UBE3A: variants seen among roughly 807,000 people sequenced by gnomAD.
UBE3A encodes ubiquitin-protein ligase E3A.
UBE3A carries 6 observed loss-of-function variants against 83.4 expected under a neutral mutation model. That is an observed-to-expected ratio of 0.07 (90% confidence interval 0.04 to 0.14). The LOEUF is 0.14. Ranked by LOEUF, UBE3A falls within the 10% of genes least tolerant of loss-of-function variation. The pLI is 1.00. For missense variants in UBE3A, 456 were observed against 1,036.1 expected, an observed-to-expected ratio of 0.44 and a Z score of 7.69; for synonymous variants, 337 against 355.4, an observed-to-expected ratio of 0.95 and a Z score of 0.58.
At chr15:25,408,450 CAG>C in intron 3 of UBE3A, 1 of 918,888 alleles carries the variant, frequency 1.1e-6, no homozygotes, top group South Asian at 1.5e-5. Flanking sequence ...AATAACAAGT[CAG>C]AAATTTTAAA....
intron 12 of UBE3A, chr15:25,339,514 T>C (rs559805291): frequency 3.0e-6 from 1 of 338,254 alleles, no homozygotes; most frequent in African/African-American, 2.1e-5. Context: ...TTTTAGGTAC[T>C]GAATTCTTAC....
chr15:25,344,073 C>T (rs934803319), intron 11 of UBE3A, among the ~76,000 whole-genome samples: 20 of 152,188 alleles, frequency 1.3e-4, no homozygotes, highest in Non-Finnish European at 2.2e-4. Context: ...ATTACACATG[C>T]ATCTACCATT....
At chr15:25,367,569 A>G (rs1566944210) in intron 6 of UBE3A, among the ~76,000 whole-genome samples, 2 of 152,016 alleles carry the variant, frequency 1.3e-5, no homozygotes, top group African/African-American at 2.4e-5. Context: ...CTTATATTCT[A>G]TTGATTCTAA....
rs896039334 is a variant in UBE3A, at chr15:25,337,103, A to G, written c.*2034T>C. On this transcript the variant is annotated 3_prime_UTR_variant, in exon 13 of 13. Transcript: ENST00000648336. ...AGGGTAGGTTCATTCTGACTCTGTT[A>G]AAAGTCTACTTGATGTGAACAACTC... 1.3e-5 allele frequency: 2 copies of G among 152,156 alleles called. No homozygotes were observed. Among genetic ancestry groups the G allele is most frequent in the African/African-American group, 2.4e-5 (1 of 41,436 alleles). 9.4% of individuals were successfully genotyped at this position (152,156 alleles called of 1,614,324 possible).
chr15:25,363,906 T>A (rs2078557227), intron 6 of UBE3A, among the ~76,000 whole-genome samples: 1 of 151,964 alleles, frequency 6.6e-6, no homozygotes, highest in South Asian at 2.1e-4. Flanking sequence ...CACTTAAGAA[T>A]AAAGGCTGGG....
chr15:25,386,410 A>G (rs2083146933), intron 4 of UBE3A, among the ~76,000 whole-genome samples: 1 of 152,210 alleles, frequency 6.6e-6, no homozygotes, highest in African/African-American at 2.4e-5. Context: ...CTTGGAATCT[A>G]AAACAACTAT....
chr15:25,437,302 ACTT>A (rs1193472092), intron 1 of UBE3A, among the ~76,000 whole-genome samples: 1 of 152,218 alleles, frequency 6.6e-6, no homozygotes, highest in Non-Finnish European at 1.5e-5. Flanking sequence ...TTACCAAATC[ACTT>A]CTTAAGTAAG....
intron 5 of UBE3A, chr15:25,373,944 A>G (rs1049995722): frequency 3.3e-5 from 5 of 152,218 alleles, no homozygotes; most frequent in Admixed American, 2.0e-4. Context: ...GTCCCTGAAA[A>G]TACTCAATCT....
At chr15:25,404,871 T>C (rs1224048415) in intron 4 of UBE3A, among the ~76,000 whole-genome samples, 1 of 152,186 alleles carries the variant, frequency 6.6e-6, no homozygotes, top group Non-Finnish European at 1.5e-5. Flanking sequence ...CGCTCATGCT[T>C]CTAGCTGCCT....
chr15:25,350,306 A>AG (rs2076311649), intron 11 of UBE3A, among the ~76,000 whole-genome samples: 1 of 151,812 alleles, frequency 6.6e-6, no homozygotes, highest in Non-Finnish European at 1.5e-5. Flanking sequence ...CTTTAAAAAA[A>AG]AAAAAACCAA....
At chr15:25,353,470 A>G (rs892816410) in intron 11 of UBE3A, among the ~76,000 whole-genome samples, 3 of 152,140 alleles carry the variant, frequency 2.0e-5, no homozygotes, top group African/African-American at 7.2e-5. Flanking sequence ...CCCTCTGTAT[A>G]TGCAGGTTCT....
At chr15:25,390,821 T>C (rs1460757654) in intron 4 of UBE3A, among the ~76,000 whole-genome samples, 3 of 152,060 alleles carry the variant, frequency 2.0e-5, no homozygotes, top group Non-Finnish European at 2.9e-5. Flanking sequence ...CAGAAAGACA[T>C]GTACCACTCT....
intron 4 of UBE3A, among the ~76,000 whole-genome samples, chr15:25,402,505 C>T (rs973248400): frequency 1.3e-5 from 2 of 152,220 alleles, no homozygotes; most frequent in African/African-American, 4.8e-5. Context: ...ACCACCCTAG[C>T]ACTAGACAGG....
At chr15:25,380,389 C>T (rs1261017036) in intron 4 of UBE3A, among the ~76,000 whole-genome samples, 2 of 152,106 alleles carry the variant, frequency 1.3e-5, no homozygotes, top group African/African-American at 4.8e-5. Flanking sequence ...ATACCACCTG[C>T]CCTTTACAGA....
intron 5 of UBE3A, chr15:25,375,262 G>A (rs1468781828): frequency 1.7e-6 from 1 of 601,040 alleles, no homozygotes; most frequent in Admixed American, 3.2e-5. Context: ...ATGAACTTTT[G>A]GCATATGATC....
At chr15:25,380,095 C>T (rs1479126107) in intron 4 of UBE3A, among the ~76,000 whole-genome samples, 3 of 152,066 alleles carry the variant, frequency 2.0e-5, no homozygotes, top group Non-Finnish European at 2.9e-5. Flanking sequence ...GTAAGTCTCA[C>T]GAGATCTGAT....
intron 3 of UBE3A, chr15:25,407,910 C>CA (rs11396663): frequency 0.97 from 147,416 of 152,252 alleles, 71,532 homozygotes; most frequent in East Asian, 1. Context: ...AATAAGTTAC[C>CA]AAAGTCCCGA....
intron 1 of UBE3A, chr15:25,438,095 C>A (rs1176961793): frequency 6.6e-6 from 1 of 152,286 alleles, no homozygotes; most frequent in African/African-American, 2.4e-5. Flanking sequence ...GAGCCAAAAA[C>A]CTTGAAAACG....
intron 1 of UBE3A, among the ~76,000 whole-genome samples, chr15:25,433,839 G>A (rs1894212523): frequency 6.6e-6 from 1 of 152,066 alleles, no homozygotes; most frequent in African/African-American, 2.4e-5. Flanking sequence ...ACCTTGGGAG[G>A]CCAAGCCGCT....
Sources: allele counts gnomAD v4.1 joint callset (sites outside exome capture counted in the v4.1 genomes callset), GRCh38; gene constraint gnomAD v4.1.1; transcripts MANE v1.5; gene names NCBI Gene and HGNC (gene_info 2026-07-23, HGNC 2026-07-21).